Variants in RYR2 observed in about 807,000 individuals in gnomAD.
The protein encoded by RYR2 is ryanodine receptor 2.
RYR2 carries 227 observed loss-of-function variants against 601.1 expected under a neutral mutation model. That is an observed-to-expected ratio of 0.38 (90% CI 0.34 to 0.42). The LOEUF is 0.42. RYR2 is among the 10% of genes least tolerant of loss of function. RYR2 has a pLI of 1.00. For synonymous variants in RYR2, 2,223 were observed against 2,175.1 expected, an observed-to-expected ratio of 1.02 and a Z score of -0.61; for missense variants, 4,646 against 6,156.5, an observed-to-expected ratio of 0.75 and a Z score of 8.21.
chr1:237,263,602 C>T (rs1688747819), intron 1 of RYR2, among the ~76,000 whole-genome samples: 1 of 152,184 alleles, frequency 6.6e-6, no homozygotes, highest in South Asian at 2.1e-4. Flanking sequence ...CGTAGGCTCA[C>T]CCTTGAGTGC....
Position 237,660,924 on chromosome 1 carries a change from C to T in RYR2, c.8413C>T (p.Arg2805Cys), listed in dbSNP as rs936846998. 3.5e-6 allele frequency: 5 copies of T among 1,448,682 alleles called. No individual in the cohort carries two copies. Among genetic ancestry groups the T allele is most frequent in the Middle Eastern group, 1.8e-4 (1 of 5,564 alleles). 89.7% of individuals were successfully genotyped at this position (1,448,682 alleles called of 1,614,324 possible). ...GDSMALYNRTRRISQTSQVSV... is the reference protein window; with the variant it reads ...GDSMALYNRTCRISQTSQVSV... Reference sequence around the variant, plus strand: ...CAGCATGGCCCTTTACAACCGGACTCGTCGTATTTCTCAGACAAGCCAGGT... The same window carrying T: ...CAGCATGGCCCTTTACAACCGGACTTGTCGTATTTCTCAGACAAGCCAGGT... The change falls in exon 56 of 105, where the codon CGT becomes TGT. Residue 2805 changes from arginine (R) to cysteine (C), a missense_variant. Coordinates refer to ENST00000366574, the MANE Select transcript of RYR2 (RefSeq NM_001035.3).
At chr1:237,457,674 C>A (rs1189833198) in intron 16 of RYR2, among the ~76,000 whole-genome samples, 1 of 152,192 alleles carries the variant, frequency 6.6e-6, no homozygotes, top group Non-Finnish European at 1.5e-5. Flanking sequence ...CCTGCCTGGC[C>A]TTTGCTGTGG....
At chr1:237,630,497 C>T (rs1680136987) in intron 41 of RYR2, among the ~76,000 whole-genome samples, 1 of 151,902 alleles carries the variant, frequency 6.6e-6, no homozygotes, top group Non-Finnish European at 1.5e-5. Context: ...CTTGATATAG[C>T]CAGAGTAACT....
rs754335935 is a variant in RYR2, at chr1:237,569,170, A to G, written c.3449A>G (p.Glu1150Gly). The change falls in exon 29 of 105, where the codon GAA becomes GGA. Residue 1150 changes from glutamate to glycine, a missense_variant. Physicochemically the swap from Glu to Gly is moderately conservative, Grantham distance 98. This residue lies in a region of RYR2 where 1,807 missense variants were observed against 2,088.1 expected (regional missense o/e 0.87). Coordinates refer to ENST00000366574, the MANE Select transcript of RYR2 (RefSeq NM_001035.3). ...FKAQRWHQGN[E>G]HYGRSWQAGD... The stretch of plus-strand genomic sequence containing the variant: ...GCCCAGCGGTGGCATCAGGGCAATG[A>G]ACACTATGGGCGCTCTTGGCAAGCA... The G allele has an allele frequency of 6.2e-7, 1 of 1,613,848 alleles. No homozygotes were observed.
intron 2 of RYR2, among the ~76,000 whole-genome samples, chr1:237,284,327 TCGAGATTG>T (rs1371584031): frequency 6.7e-6 from 1 of 148,310 alleles, no homozygotes; most frequent in Non-Finnish European, 1.5e-5. Context: ...TTGCAGTGAG[TCGAGATTG>T]CGCCACTGCA....
chr1:237,107,319 A>G (rs1436449077), intron 1 of RYR2, among the ~76,000 whole-genome samples: 3 of 151,610 alleles, frequency 2.0e-5, no homozygotes, highest in Non-Finnish European at 4.4e-5. Flanking sequence ...CAGGAGATCG[A>G]GACCATCCTG....
chr1:237,629,590 A>G (rs1170708177), intron 41 of RYR2, among the ~76,000 whole-genome samples: 1 of 152,104 alleles, frequency 6.6e-6, no homozygotes, highest in Non-Finnish European at 1.5e-5. Flanking sequence ...AGAGGAGATA[A>G]TAAAGGTAAC....
chr1:237,043,914 G>A (rs544098457), intron 1 of RYR2, among the ~76,000 whole-genome samples: 13 of 152,194 alleles, frequency 8.5e-5, no homozygotes, highest in Non-Finnish European at 1.9e-4. Context: ...ATTTGCAAAG[G>A]AACGTTGTAA....
intron 100 of RYR2, among the ~76,000 whole-genome samples, chr1:237,813,225 AG>A (rs1558470528): frequency 6.6e-6 from 1 of 152,220 alleles, no homozygotes; most frequent in East Asian, 1.9e-4. Flanking sequence ...CATTGCCTGC[AG>A]TGACTTCCAG....
At chr1:237,429,847 T>C (rs1423312526) in intron 12 of RYR2, among the ~76,000 whole-genome samples, 2 of 152,086 alleles carry the variant, frequency 1.3e-5, no homozygotes, top group Admixed American at 6.5e-5. Flanking sequence ...GGTAAAAATA[T>C]ACGTGCAAGT....
At chr1:237,197,588 C>A (rs968034458) in intron 1 of RYR2, among the ~76,000 whole-genome samples, 1 of 152,016 alleles carries the variant, frequency 6.6e-6, no homozygotes, top group African/African-American at 2.4e-5. Flanking sequence ...GATGCACTTA[C>A]GTGGGTGTGA....
intron 80 of RYR2, among the ~76,000 whole-genome samples, chr1:237,752,383 C>G (rs914897813): frequency 6.6e-6 from 1 of 151,718 alleles, no homozygotes; most frequent in African/African-American, 2.4e-5. Flanking sequence ...CTCCTGGGCT[C>G]AAGCAGTCCT....
chr1:237,646,525 A>G (rs1016005178), intron 48 of RYR2, among the ~76,000 whole-genome samples: 1 of 152,194 alleles, frequency 6.6e-6, no homozygotes, highest in African/African-American at 2.4e-5. Context: ...AGCATCACCA[A>G]GTAGCAGTAA....
At chr1:237,208,836 A>G (rs1682112032) in intron 1 of RYR2, among the ~76,000 whole-genome samples, 2 of 150,300 alleles carry the variant, frequency 1.3e-5, no homozygotes. Flanking sequence ...TATAACTTTA[A>G]GTTTATACCC....
At chr1:237,065,971 G>C (rs1162178527) in intron 1 of RYR2, among the ~76,000 whole-genome samples, 1 of 152,140 alleles carries the variant, frequency 6.6e-6, no homozygotes, top group South Asian at 2.1e-4. Context: ...TAGCACCGAG[G>C]GGGAAATCCC....
chr1:237,518,406 C>T (rs1397503692), intron 24 of RYR2, among the ~76,000 whole-genome samples: 3 of 152,070 alleles, frequency 2.0e-5, no homozygotes, highest in Non-Finnish European at 4.4e-5. Context: ...CATCTACTCC[C>T]TTCCAATCCC....
chr1:237,118,524 A>C (rs865797752), intron 1 of RYR2, among the ~76,000 whole-genome samples: 1 of 152,068 alleles, frequency 6.6e-6, no homozygotes, highest in African/African-American at 2.4e-5. Flanking sequence ...AGTCAAGTGC[A>C]CAGAGACAAC....
chr1:237,251,064 A>G (rs1316284), intron 1 of RYR2, among the ~76,000 whole-genome samples: 262 of 47,880 alleles, frequency 5.5e-3, no homozygotes, highest in East Asian at 0.053. Context: ...GTGTGTGTGT[A>G]TGCATATAGA....
At position 237,441,454 on chromosome 1, in the gene RYR2, T is replaced by G; in HGVS notation, c.1141T>G (p.Ser381Ala). 6.3e-7 allele frequency: 1 copy of G among 1,597,864 alleles called. No homozygotes were observed. The highest frequency in any genetic ancestry group is 2.2e-5 in the East Asian group (1 of 44,572). The change falls in exon 13 of 105, where the codon TCC becomes GCC. Residue 381 changes from serine to alanine, a missense_variant. Ser to Ala is a moderately conservative substitution (Grantham distance 99). Coordinates refer to ENST00000366574, the MANE Select transcript of RYR2 (RefSeq NM_001035.3). ...TACTTACCAGTCTGTGGACGTGAAATCCGTGAGAATGGGATCTATACAACG... is the reference window on the plus strand; with the variant it reads ...TACTTACCAGTCTGTGGACGTGAAAGCCGTGAGAATGGGATCTATACAACG... ...WLTYQSVDVK[S>A]VRMGSIQRKA...
Sources: allele counts gnomAD v4.1 joint callset (sites outside exome capture counted in the v4.1 genomes callset), GRCh38; gene constraint gnomAD v4.1.1; regional missense constraint gnomAD v4.1.1; transcripts MANE v1.5; gene names NCBI Gene and HGNC (gene_info 2026-07-23, HGNC 2026-07-21).